NOX4: variants seen among roughly 807,000 people sequenced by gnomAD.
NOX4 encodes the protein kidney oxidase-1.
A neutral mutation model predicts 87.6 loss-of-function variants in NOX4; 69 were observed. The ratio of observed to expected loss-of-function variants is 0.79; its 90% CI spans 0.65 to 0.96. The LOEUF is 0.96. Among genes scored for constraint, NOX4 ranks in the 40% least tolerant of loss-of-function variants. The probability of loss-of-function intolerance (pLI) is 0.00; values close to 1 mark genes in which losing one functional copy is unlikely to be tolerated. For missense variants in NOX4, 680 were observed against 681.5 expected (o/e 1.00, Z 0.02); for synonymous variants, 275 against 238.2 (o/e 1.15, Z -1.42).
chr11:89,333,139 A>T (rs971153355), intron 17 of NOX4, among the ~76,000 whole-genome samples: 1 of 151,814 alleles, frequency 6.6e-6, no homozygotes, highest in African/African-American at 2.4e-5. Context: ...TAAGTTATCT[A>T]AATATAAAGA....
intron 2 of NOX4, among the ~76,000 whole-genome samples, chr11:89,483,942 C>T (rs1198194913): frequency 6.6e-6 from 1 of 152,040 alleles, no homozygotes. Context: ...GGCTTGAGTC[C>T]TGCTTCTGTC....
chr11:89,347,173 C>T (rs536034691), intron 13 of NOX4, among the ~76,000 whole-genome samples: 15 of 152,224 alleles, frequency 9.9e-5, no homozygotes, highest in South Asian at 6.2e-4. Context: ...GAAACTGTAC[C>T]GGAATAACCA....
chr11:89,523,817 T>G, the NOX4 span, among the ~76,000 whole-genome samples: 1 of 152,112 alleles, frequency 6.6e-6, no homozygotes, highest in Non-Finnish European at 1.5e-5. Context: ...ACTAGTACAT[T>G]CAGCAGCATG....
At chr11:89,519,107 C>T in the NOX4 span, among the ~76,000 whole-genome samples, 2 of 151,930 alleles carry the variant, frequency 1.3e-5, no homozygotes, top group Non-Finnish European at 2.9e-5. Flanking sequence ...TCTTCAATTA[C>T]ATTATAAAGA....
chr11:89,520,451 C>A, the NOX4 span, among the ~76,000 whole-genome samples: 2 of 151,982 alleles, frequency 1.3e-5, no homozygotes, highest in Non-Finnish European at 2.9e-5. Context: ...AGTTTGAATT[C>A]TCTAAATAAA....
chr11:89,400,209 A>G lies in NOX4; in HGVS notation c.1011+6T>C, dbSNP rs753741485. ...CTATTTAAAAAGTTGCTGACCACTG[A>G]CTCACCTGACCAGGTCTTGCTTTAA... On this transcript the variant is annotated splice_donor_region_variant and intron_variant, in intron 10 of 17. Coordinates refer to ENST00000263317, the MANE Select transcript of NOX4 (RefSeq NM_016931.5). 9 of 1,610,894 alleles carry G rather than the reference A, an allele frequency of 5.6e-6. No homozygotes were observed. The East Asian group carries it at 1.8e-4, about 32-fold the overall frequency.
chr11:89,370,215 T>C (rs967417346), intron 12 of NOX4, among the ~76,000 whole-genome samples: 18 of 152,116 alleles, frequency 1.2e-4, no homozygotes, highest in Admixed American at 1.1e-3. Context: ...GTAGAAAACT[T>C]TTCCAGTAGA....
intron 4 of NOX4, among the ~76,000 whole-genome samples, chr11:89,445,438 T>C (rs954586620): frequency 1.3e-5 from 2 of 152,062 alleles, no homozygotes; most frequent in African/African-American, 4.8e-5. Flanking sequence ...CTTCAAGTAA[T>C]CAAATTAGAA....
At chr11:89,496,259 A>G (rs1160442051), upstream of NOX4, among the ~76,000 whole-genome samples, 8 of 152,204 alleles carry the variant, frequency 5.3e-5, no homozygotes, top group African/African-American at 1.9e-4. Flanking sequence ...GAAATTCTGA[A>G]GACATTGGAG....
intron 11 of NOX4, among the ~76,000 whole-genome samples, chr11:89,379,343 A>G (rs1274590034): frequency 6.6e-6 from 1 of 152,020 alleles, no homozygotes; most frequent in African/African-American, 2.4e-5. Context: ...TCAGTGTAAT[A>G]GGAGGAAGTT....
intron 11 of NOX4, among the ~76,000 whole-genome samples, chr11:89,399,254 C>A (rs1941677197): frequency 6.6e-6 from 1 of 150,682 alleles, no homozygotes; most frequent in Non-Finnish European, 1.5e-5. Context: ...TTCTCTCTCC[C>A]ATTACACTGG....
At chr11:89,395,064 T>C (rs1941382231) in intron 11 of NOX4, among the ~76,000 whole-genome samples, 1 of 152,198 alleles carries the variant, frequency 6.6e-6, no homozygotes, top group African/African-American at 2.4e-5. Flanking sequence ...TCTAGATCTC[T>C]GAGGAATCGC....
Position 89,393,304 on chromosome 11 carries a change from G to A in NOX4, c.1074+6713C>T, listed in dbSNP as rs562363047. On this transcript the variant is annotated intron_variant, in intron 11 of 17. Transcript: ENST00000263317. ...CATGATTGAAAAATCCTGATCTAGT[G>A]CAATAATCCTTGCAAACACTTCTGT... Among the ~76,000 whole-genome samples the A allele has an allele frequency of 3.9e-5, 6 of 152,096 alleles. No individual in the cohort carries two copies. The South Asian group carries it at 1.2e-3, about 32-fold the overall frequency.
At chr11:89,373,645 GA>G (rs199658901) in intron 11 of NOX4, among the ~76,000 whole-genome samples, 153 bp from the exon 12 acceptor site, 3 of 150,686 alleles carry the variant, frequency 2.0e-5, no homozygotes, top group Admixed American at 6.6e-5. Flanking sequence ...ATTAGTGGAA[GA>G]AAAAAAAATC....
At chr11:89,569,949 C>T in the NOX4 span, among the ~76,000 whole-genome samples, 1 of 150,632 alleles carries the variant, frequency 6.6e-6, no homozygotes, top group African/African-American at 2.4e-5. Context: ...TTGCAGCGAG[C>T]CAAGATCATG....
the NOX4 span, among the ~76,000 whole-genome samples, chr11:89,570,647 C>T: frequency 6.6e-6 from 1 of 152,146 alleles, no homozygotes; most frequent in African/African-American, 2.4e-5. Flanking sequence ...CCCTGGGCAA[C>T]ATAGGGAGAC....
At chr11:89,544,391 A>G in the NOX4 span, among the ~76,000 whole-genome samples, 104 of 152,278 alleles carry the variant, frequency 6.8e-4, no homozygotes, top group African/African-American at 2.4e-3. Flanking sequence ...ATCCTGCTCC[A>G]CAATAGAATT....
intron 6 of NOX4, among the ~76,000 whole-genome samples, chr11:89,439,067 G>A (rs940645157): frequency 4.5e-5 from 6 of 132,570 alleles, no homozygotes; most frequent in African/African-American, 1.1e-4. Context: ...ACTACTAATA[G>A]TATAATAATA....
At chr11:89,511,150 G>A in the NOX4 span, among the ~76,000 whole-genome samples, 1 of 151,838 alleles carries the variant, frequency 6.6e-6, no homozygotes, top group Non-Finnish European at 1.5e-5. Context: ...CATTTATGGA[G>A]TACAATGTGA....
Sources: gnomAD v4.1 joint callset for allele counts (sites outside exome capture counted in the v4.1 genomes callset) on GRCh38, gnomAD v4.1.1 for gene constraint, MANE v1.5 for transcripts, NCBI Gene and HGNC (gene_info 2026-07-23, HGNC 2026-07-21) for gene names.